Variants in TMED3 observed in about 807,000 individuals in gnomAD.
TMED3 encodes transmembrane p24 trafficking protein 3.
In TMED3, 9 loss-of-function variants were observed where a neutral mutation model predicts 15.0. The observed-to-expected ratio is 0.60, with a 90% CI of 0.36 to 1.04. The LOEUF (loss-of-function observed/expected upper bound fraction) is 1.04, where lower values mean the gene tolerates loss of function less well. Ranked by LOEUF, TMED3 falls within the 50% of genes least tolerant of loss-of-function variation. The pLI is 0.01. For synonymous variants in TMED3, 117 were observed against 121.4 expected (o/e 0.96, Z 0.24); for missense variants, 267 against 278.9 (o/e 0.96, Z 0.30).
chr15:79,345,235 AT>A (rs754511482), intron 2 of TMED3, among the ~76,000 whole-genome samples: 2 of 152,088 alleles, frequency 1.3e-5, no homozygotes, highest in African/African-American at 2.4e-5. Context: ...TGTTGTACAG[AT>A]TATTTCATCA....
chr15:79,361,394 T>G (rs956812961), intron 2 of TMED3, among the ~76,000 whole-genome samples: 12 of 152,218 alleles, frequency 7.9e-5, no homozygotes, highest in Non-Finnish European at 1.6e-4. Context: ...ATATATACGA[T>G]GGAACACTAC....
intron 2 of TMED3, among the ~76,000 whole-genome samples, chr15:79,376,221 G>T (rs1053687618): frequency 4.7e-5 from 7 of 149,412 alleles, no homozygotes; most frequent in Non-Finnish European, 8.9e-5. Flanking sequence ...GCAAGAGAAA[G>T]ATTTCTTTAA....
intron 2 of TMED3, among the ~76,000 whole-genome samples, chr15:79,403,786 G>A (rs1893865788): frequency 6.6e-6 from 1 of 152,168 alleles, no homozygotes; most frequent in Admixed American, 6.5e-5. Flanking sequence ...GAGTAATGGA[G>A]GCAGGAAGCA....
At chr15:79,358,710 C>A (rs1029187538) in intron 2 of TMED3, among the ~76,000 whole-genome samples, 13 of 152,174 alleles carry the variant, frequency 8.5e-5, no homozygotes, top group African/African-American at 3.1e-4. Flanking sequence ...CTTTCTAAGA[C>A]CCCAACATTT....
At chr15:79,373,242 T>A (rs1336683500) in intron 2 of TMED3, among the ~76,000 whole-genome samples, 1 of 152,212 alleles carries the variant, frequency 6.6e-6, no homozygotes, top group Non-Finnish European at 1.5e-5. Flanking sequence ...TTCTTGGTAA[T>A]GGATAGAAAG....
chr15:79,353,470 GGA>G (rs2058906037), intron 2 of TMED3, among the ~76,000 whole-genome samples: 1 of 118,078 alleles, frequency 8.5e-6, no homozygotes, highest in Non-Finnish European at 1.7e-5. Context: ...ATTTAATGGG[GGA>G]AAAAAGGTCC....
intron 2 of TMED3, among the ~76,000 whole-genome samples, chr15:79,405,386 T>C (rs572867101): frequency 3.9e-5 from 6 of 152,258 alleles, no homozygotes; most frequent in Admixed American, 1.3e-4. Flanking sequence ...TATAAATTGG[T>C]GTGAATGCCA....
At chr15:79,357,612 T>G (rs774402623) in intron 2 of TMED3, among the ~76,000 whole-genome samples, 14 of 151,808 alleles carry the variant, frequency 9.2e-5, no homozygotes, top group Non-Finnish European at 2.9e-5. Context: ...GAATGTAGGC[T>G]CATCTCCTAC....
chr15:79,376,851 G>T (rs867635868), intron 2 of TMED3, among the ~76,000 whole-genome samples: 2 of 152,110 alleles, frequency 1.3e-5, no homozygotes, highest in African/African-American at 4.8e-5. Flanking sequence ...GGGTCAGTTT[G>T]GTAGTTTTTG....
intron 2 of TMED3, among the ~76,000 whole-genome samples, chr15:79,320,336 A>G (rs547992086): frequency 1.1e-4 from 16 of 152,208 alleles, no homozygotes; most frequent in Middle Eastern, 3.4e-3. Flanking sequence ...ATATTGGAAT[A>G]AAGAGTAATT....
At position 79,369,508 on chromosome 15, in the gene TMED3, C is replaced by T. The variant is rs190962468; in HGVS notation, c.418-41892C>T. On this transcript the variant is annotated intron_variant, in intron 2 of 2. Transcript: ENST00000424155. ...AAGGTGGGATGCCTGTGCTTCTTCCCCTAAGCTGGCTTTGGAAATAAGTCC... is the reference window on the plus strand; with the variant it reads ...AAGGTGGGATGCCTGTGCTTCTTCCTCTAAGCTGGCTTTGGAAATAAGTCC... Among the ~76,000 whole-genome samples, 769 of 152,304 alleles carry T rather than the reference C, an allele frequency of 5.0e-3. 13 individuals carry two copies. The highest frequency in any genetic ancestry group is 7.8e-3 in the Non-Finnish European group (529 of 68,032).
chr15:79,333,823 A>G (rs2058818139), intron 2 of TMED3, among the ~76,000 whole-genome samples: 1 of 152,210 alleles, frequency 6.6e-6, no homozygotes, highest in Non-Finnish European at 1.5e-5. Flanking sequence ...TCAAATGACA[A>G]TATAATATTT....
downstream of TMED3, chr15:79,322,962 G>A (rs2058774415): frequency 1.1e-6 from 1 of 921,372 alleles, no homozygotes; most frequent in African/African-American, 1.8e-5. Context: ...ATGGGGTGCT[G>A]TGCAGAGATG....
At chr15:79,345,203 G>T (rs1393418932) in intron 2 of TMED3, among the ~76,000 whole-genome samples, 7 of 151,986 alleles carry the variant, frequency 4.6e-5, no homozygotes, top group Non-Finnish European at 8.8e-5. Context: ...TGTTACATAG[G>T]TACACTGGTG....
intron 2 of TMED3, among the ~76,000 whole-genome samples, chr15:79,392,822 C>G (rs1261252897): frequency 6.6e-6 from 1 of 152,198 alleles, no homozygotes; most frequent in African/African-American, 2.4e-5. Context: ...TTCAGTACCA[C>G]CCTTATCTGG....
At chr15:79,402,551 G>A (rs756196186) in intron 2 of TMED3, among the ~76,000 whole-genome samples, 9 of 152,128 alleles carry the variant, frequency 5.9e-5, no homozygotes, top group East Asian at 5.8e-4. Context: ...AGGCTGAGGC[G>A]GGTGGATCAC....
intron 2 of TMED3, among the ~76,000 whole-genome samples, chr15:79,354,922 T>A (rs1014100954): frequency 3.9e-5 from 6 of 152,246 alleles, no homozygotes; most frequent in African/African-American, 1.4e-4. Flanking sequence ...AGGCATGACC[T>A]TAGCCCCATA....
At position 79,313,573 on chromosome 15, in the gene TMED3, A is replaced by G. The variant is rs112453637; in HGVS notation, c.169-184A>G. 2.8e-3 allele frequency among the ~76,000 whole-genome samples: 426 copies of G among 152,336 alleles called. 2 individuals are homozygous for G. The highest frequency in any genetic ancestry group is 0.016 in the East Asian group (85 of 5,188). On this transcript the variant is annotated intron_variant, in intron 1 of 2. Transcript: ENST00000299705. ...AGCCCTTTCACTTTCAAGCAGTGTG[A>G]CCACAGCCAATTTATTTAACCTTGC...
chr15:79,386,957 T>C (rs1290523320), intron 2 of TMED3, among the ~76,000 whole-genome samples: 1 of 142,640 alleles, frequency 7.0e-6, no homozygotes, highest in African/African-American at 2.6e-5. Context: ...TTTGAGACAA[T>C]GTCTCGTTCT....
Sources: allele counts gnomAD v4.1 joint callset (sites outside exome capture counted in the v4.1 genomes callset), GRCh38; gene constraint gnomAD v4.1.1; transcripts MANE v1.5; gene names NCBI Gene and HGNC (gene_info 2026-07-23, HGNC 2026-07-21).